Variants in STXBP5 observed in about 807,000 individuals in gnomAD.
STXBP5 encodes syntaxin-binding protein 5.
STXBP5 carries 50 observed loss-of-function variants against 152.4 expected under a neutral mutation model. The observed-to-expected ratio is 0.33, with a 90% confidence interval of 0.26 to 0.42. The LOEUF (loss-of-function observed/expected upper bound fraction) is 0.42, where lower values mean the gene tolerates loss of function less well. Among genes scored for constraint, STXBP5 ranks in the 10% least tolerant of loss-of-function variants. The probability of loss-of-function intolerance (pLI) is 1.00; values close to 1 mark genes in which losing one functional copy is unlikely to be tolerated. For missense variants in STXBP5, 1,167 were observed against 1,388.6 expected, an observed-to-expected ratio of 0.84 and a Z score of 2.54; for synonymous variants, 492 against 494.7, an observed-to-expected ratio of 0.99 and a Z score of 0.07.
At position 147,364,067 on chromosome 6, in the gene STXBP5, AACGTT is replaced by A; in HGVS notation, c.2983_2987del (p.Thr995LeufsTer23). On this transcript the variant is annotated frameshift_variant, in exon 25 of 28. Coordinates refer to ENST00000321680, the MANE Select transcript of STXBP5 (RefSeq NM_001127715.4). LOFTEE classifies it high-confidence loss of function. ...CCCTTACCAATATGCGGATAGCCAG[AACGTT>A]CTGCTTTACCAACAATGGACAAGCA... The A allele has an allele frequency of 6.2e-7, 1 of 1,614,092 alleles. No individual in the cohort carries two copies. The highest frequency in any genetic ancestry group is 1.3e-5 in the African/African-American group (1 of 75,034).
At chr6:147,334,294 T>C in intron 19 of STXBP5, 72 bp downstream of exon 19, 2 of 1,386,156 alleles carry the variant, frequency 1.4e-6, no homozygotes, top group Admixed American at 4.1e-5. Context: ...TAGTGTACAT[T>C]TTGATAGATA....
intron 23 of STXBP5, among the ~76,000 whole-genome samples, chr6:147,362,270 TAAAAG>T (rs1785102624): frequency 1.3e-5 from 2 of 152,034 alleles, no homozygotes; most frequent in South Asian, 2.1e-4. Flanking sequence ...TTCTTAGAAA[TAAAAG>T]AAAATAATAT....
intron 9 of STXBP5, among the ~76,000 whole-genome samples, chr6:147,308,855 G>A (rs1363676226): frequency 1.3e-5 from 2 of 152,072 alleles, no homozygotes; most frequent in Middle Eastern, 3.2e-3. Context: ...CACACACCAT[G>A]AAGGGAAATT....
chr6:147,281,711 T>A (rs1016714662), intron 8 of STXBP5, among the ~76,000 whole-genome samples: 1 of 152,238 alleles, frequency 6.6e-6, no homozygotes. Context: ...ATAATTTAAG[T>A]CTCCTACCAG....
chr6:147,359,235 A>C lies in STXBP5; in HGVS notation c.2457A>C (p.Thr819=). The C allele has an allele frequency of 6.2e-7, 1 of 1,614,040 alleles. No homozygotes were observed. Among genetic ancestry groups the C allele is most frequent in the Non-Finnish European group, 8.5e-7 (1 of 1,179,928 alleles). Residue 819 remains threonine, a synonymous_variant, in exon 23 of 28, where the codon ACA becomes ACC. Coordinates refer to ENST00000321680, the MANE Select transcript of STXBP5 (RefSeq NM_001127715.4). ...SSPSPCLWVG[T]TLGTVLVIAL... ...CTTCCCCTTGTCTATGGGTTGGAAC[A>C]ACGCTAGGAACAGTGCTTGTCATTG...
chr6:147,366,432 A>C (rs1036491287), intron 25 of STXBP5, among the ~76,000 whole-genome samples: 4 of 152,222 alleles, frequency 2.6e-5, no homozygotes, highest in Admixed American at 2.6e-4. Flanking sequence ...TAGAAGCCAG[A>C]AGTCCACAAT....
intron 9 of STXBP5, among the ~76,000 whole-genome samples, chr6:147,296,869 G>T (rs1475240368): frequency 2.6e-5 from 4 of 151,978 alleles, no homozygotes; most frequent in Non-Finnish European, 5.9e-5. Flanking sequence ...GCAAAAGAAA[G>T]AATTTCTGAA....
chr6:147,244,835 T>G (rs959669245), intron 4 of STXBP5, among the ~76,000 whole-genome samples: 2 of 152,168 alleles, frequency 1.3e-5, no homozygotes, highest in Non-Finnish European at 2.9e-5. Flanking sequence ...AATTAGTGGT[T>G]GTTTGAATTT....
chr6:147,245,918 G>GACAC (rs1175237188), intron 4 of STXBP5, among the ~76,000 whole-genome samples: 1 of 152,208 alleles, frequency 6.6e-6, no homozygotes, highest in Non-Finnish European at 1.5e-5. Context: ...GCGCCCTGCT[G>GACAC]ACACCTTCAT....
Position 147,274,147 on chromosome 6 carries a change from A to C in STXBP5, c.715-3934A>C, listed in dbSNP as rs553368522. Among the ~76,000 whole-genome samples, 6 of 152,274 alleles carry C rather than the reference A, an allele frequency of 3.9e-5. 1 individual carries two copies. In the South Asian group the frequency reaches 1.0e-3, roughly 26 times the overall value. ...CTTATTTTTACAAACATACACATGC[A>C]CACACACAAATACACTTTCCCAAAG... On this transcript the variant is annotated intron_variant, in intron 7 of 27. Coordinates refer to ENST00000321680, the MANE Select transcript of STXBP5 (RefSeq NM_001127715.4).
rs564775188 is a variant in STXBP5, at chr6:147,314,369, T to C, written c.1361+38T>C. 2.6e-6 allele frequency: 4 copies of C among 1,542,424 alleles called. No individual in the cohort carries two copies. In the African/African-American group the frequency reaches 4.1e-5, roughly 16 times the overall value. ...CTGTCTTCACCAAGTAAATCTATAATAGCTAAATATAATTGATTGAGACTA... is the reference window on the plus strand; with the variant it reads ...CTGTCTTCACCAAGTAAATCTATAACAGCTAAATATAATTGATTGAGACTA... On this transcript the variant is annotated intron_variant, in intron 13 of 27. Transcript: ENST00000321680.
chr6:147,367,724 CAAAG>C (rs952735692), intron 25 of STXBP5, among the ~76,000 whole-genome samples: 18 of 151,574 alleles, frequency 1.2e-4, no homozygotes, highest in African/African-American at 1.9e-4. Flanking sequence ...AAGTGGAAAA[CAAAG>C]AAACAATAGA....
intron 2 of STXBP5, among the ~76,000 whole-genome samples, chr6:147,209,998 T>C (rs1776767488): frequency 6.6e-6 from 1 of 152,196 alleles, no homozygotes; most frequent in Admixed American, 6.5e-5. Flanking sequence ...CATAGTTATG[T>C]AATAGGAGAT....
At chr6:147,234,168 T>G (rs757091415) in intron 2 of STXBP5, among the ~76,000 whole-genome samples, 6 of 151,840 alleles carry the variant, frequency 4.0e-5, no homozygotes, top group Non-Finnish European at 4.4e-5. Context: ...ATTTATATAC[T>G]GGCAACTATA....
intron 23 of STXBP5, among the ~76,000 whole-genome samples, chr6:147,361,866 T>G (rs1785081820): frequency 6.6e-6 from 1 of 152,178 alleles, no homozygotes; most frequent in South Asian, 2.1e-4. Context: ...GCTAGCTTTA[T>G]AATATGTTTG....
chr6:147,329,143 C>G (rs1370653813), intron 18 of STXBP5, among the ~76,000 whole-genome samples: 2 of 151,182 alleles, frequency 1.3e-5, no homozygotes, highest in African/African-American at 2.4e-5. Flanking sequence ...TGTAAAATTG[C>G]TAGAAATTAA....
At chr6:147,253,734 A>T (rs566991360) in intron 4 of STXBP5, among the ~76,000 whole-genome samples, 80 of 152,328 alleles carry the variant, frequency 5.3e-4, no homozygotes, top group Admixed American at 1.9e-3. Context: ...AATACAACTT[A>T]CAAGGGATGT....
At chr6:147,314,202 C>T in intron 12 of STXBP5, 62 bp from the exon 13 acceptor site, 3 of 1,427,218 alleles carry the variant, frequency 2.1e-6, no homozygotes, top group Non-Finnish European at 2.0e-6. Flanking sequence ...CACACACACA[C>T]ACACACACGG....
At chr6:147,324,920 G>A in intron 16 of STXBP5, 39 bp from the exon 17 acceptor site, 1 of 1,423,996 alleles carries the variant, frequency 7.0e-7, no homozygotes, top group Non-Finnish European at 9.3e-7. Context: ...GCCAATAGTT[G>A]AAAATGGTTT....
Sources: gnomAD v4.1 joint callset for allele counts (sites outside exome capture counted in the v4.1 genomes callset) on GRCh38, gnomAD v4.1.1 for gene constraint, MANE v1.5 for transcripts, NCBI Gene and HGNC (gene_info 2026-07-23, HGNC 2026-07-21) for gene names.